VAMP7: variants seen among roughly 807,000 people sequenced by gnomAD.
The protein encoded by VAMP7 is vesicle-associated membrane protein 7.
A neutral mutation model predicts 29.6 loss-of-function variants in VAMP7; 14 were observed. The observed-to-expected ratio is 0.47, with a 90% confidence interval of 0.31 to 0.74. The LOEUF is 0.74. VAMP7 is among the 30% of genes least tolerant of loss of function. VAMP7 has a pLI of 0.05. For missense variants in VAMP7, 223 were observed against 262.4 expected, an observed-to-expected ratio of 0.85 and a Z score of 1.04; for synonymous variants, 95 against 88.1, an observed-to-expected ratio of 1.08 and a Z score of -0.44.
intron 4 of VAMP7, among the ~76,000 whole-genome samples, chrX:155,898,910 T>C (rs1322177965): frequency 6.6e-6 from 1 of 152,136 alleles, no homozygotes; most frequent in Admixed American, 6.6e-5. Flanking sequence ...ATGTACTTTT[T>C]TGTGTCTTGC....
At chrX:155,887,832 G>A (rs2065882520) in intron 1 of VAMP7, among the ~76,000 whole-genome samples, 1 of 151,804 alleles carries the variant, frequency 6.6e-6, no homozygotes, top group Admixed American at 6.6e-5. Flanking sequence ...TCCAGAGGCT[G>A]AGGTAGGAGG....
chrX:155,913,818 C>T (rs1408944080), intron 5 of VAMP7, among the ~76,000 whole-genome samples: 1 of 152,096 alleles, frequency 6.6e-6, no homozygotes, highest in Non-Finnish European at 1.5e-5. Flanking sequence ...ATGTCTCCAG[C>T]TTTGTTCTTC....
intron 6 of VAMP7, 38 bp from the exon 7 acceptor site, chrX:155,939,663 C>A: frequency 2.1e-6 from 3 of 1,422,244 alleles, no homozygotes; most frequent in Non-Finnish European, 3.0e-6. Flanking sequence ...TTCATGTAGT[C>A]AGTGCCAGGG....
At chrX:155,919,919 G>A (rs766723438) in intron 6 of VAMP7, 39 bp downstream of exon 6, 5 of 1,492,254 alleles carry the variant, frequency 3.4e-6, no homozygotes, top group Non-Finnish European at 4.6e-6. Flanking sequence ...CTGATGTAAA[G>A]TGGAGAAACT....
chrX:155,906,472 T>C (rs2066149284), intron 5 of VAMP7, among the ~76,000 whole-genome samples: 1 of 152,174 alleles, frequency 6.6e-6, no homozygotes, highest in Non-Finnish European at 1.5e-5. Flanking sequence ...ATTGCAGTAA[T>C]CTCAAAATCT....
intron 5 of VAMP7, among the ~76,000 whole-genome samples, chrX:155,908,956 A>G (rs2066193095): frequency 6.6e-6 from 1 of 151,882 alleles, no homozygotes; most frequent in African/African-American, 2.4e-5. Flanking sequence ...AGCAGCTGGG[A>G]CTGCAGGCAT....
intron 5 of VAMP7, among the ~76,000 whole-genome samples, chrX:155,913,298 A>G (rs1215555611): frequency 2.0e-5 from 3 of 152,088 alleles, no homozygotes; most frequent in African/African-American, 7.2e-5. Flanking sequence ...ATAGATTGCA[A>G]AAATTTTTTC....
At chrX:155,897,814 A>C (rs932370547) in intron 3 of VAMP7, among the ~76,000 whole-genome samples, 1 of 152,118 alleles carries the variant, frequency 6.6e-6, no homozygotes, top group Non-Finnish European at 1.5e-5. Context: ...GAGGAAGTAA[A>C]ATTCAATTCC....
At chrX:155,892,706 A>G (rs2065939366) in intron 2 of VAMP7, among the ~76,000 whole-genome samples, 1 of 151,762 alleles carries the variant, frequency 6.6e-6, no homozygotes, top group Non-Finnish European at 1.5e-5. Context: ...TCTACATAGC[A>G]TCTAGTTTGT....
chrX:155,916,239 CTG>C (rs200567257), intron 5 of VAMP7, among the ~76,000 whole-genome samples: 1,628 of 152,078 alleles, frequency 0.011, 74 homozygotes, highest in Admixed American at 0.085. Flanking sequence ...TATTTTGAGC[CTG>C]TGTGTGTCTT....
chrX:155,888,016 A>G (rs1265797321), intron 1 of VAMP7, among the ~76,000 whole-genome samples: 36 of 151,770 alleles, frequency 2.4e-4, no homozygotes, highest in Admixed American at 2.2e-3. Flanking sequence ...GAGATAAAGT[A>G]TAAGACAGCA....
At chrX:155,923,620 T>C (rs776934255) in intron 6 of VAMP7, among the ~76,000 whole-genome samples, 38 of 152,030 alleles carry the variant, frequency 2.5e-4, no homozygotes, top group African/African-American at 9.1e-4. Flanking sequence ...CTCTTTATCA[T>C]TGGTTTTAAG....
rs2066779842 is a variant in VAMP7, at chrX:155,943,666, T to C, written c.*1715T>C. 6.6e-6 allele frequency: 1 copy of C among 152,172 alleles called. No homozygotes were observed. The highest frequency in any genetic ancestry group is 6.5e-5 in the Admixed American group (1 of 15,274). 9.4% of individuals were successfully genotyped at this position (152,172 alleles called of 1,614,324 possible). A position where few individuals can be genotyped will look rare whatever the true frequency, so the allele number is the denominator to read the frequency against. The stretch of plus-strand genomic sequence containing the variant: ...GTTTTAGGGATCAATTACCTAACTG[T>C]TCCTTGGTCTATTTATGTATAAGAA... On this transcript the variant is annotated 3_prime_UTR_variant, in exon 8 of 8. Coordinates refer to ENST00000286448, the MANE Select transcript of VAMP7 (RefSeq NM_005638.6).
intron 5 of VAMP7, among the ~76,000 whole-genome samples, chrX:155,902,518 C>T (rs2066078998): frequency 1.3e-5 from 2 of 149,520 alleles, no homozygotes; most frequent in African/African-American, 4.9e-5. Context: ...TCATAGATAG[C>T]TCTTATTATT....
At chrX:155,932,422 A>C (rs772487202) in intron 6 of VAMP7, among the ~76,000 whole-genome samples, 1 of 152,252 alleles carries the variant, frequency 6.6e-6, no homozygotes, top group East Asian at 1.9e-4. Context: ...GAGGTCCTTC[A>C]CATCCCTTGT....
intron 5 of VAMP7, among the ~76,000 whole-genome samples, chrX:155,914,752 G>A (rs1218457340): frequency 6.6e-6 from 1 of 152,074 alleles, no homozygotes; most frequent in Non-Finnish European, 1.5e-5. Flanking sequence ...TGTGCTGATG[G>A]GTTCGATTTG....
chrX:155,931,818 T>G (rs1214226181), intron 6 of VAMP7, among the ~76,000 whole-genome samples: 1 of 152,194 alleles, frequency 6.6e-6, no homozygotes, highest in South Asian at 2.1e-4. Flanking sequence ...CTAGGTTTTC[T>G]TCTAGGGTTT....
chrX:155,915,811 A>G (rs1001465291), intron 5 of VAMP7, among the ~76,000 whole-genome samples: 3 of 152,160 alleles, frequency 2.0e-5, no homozygotes, highest in East Asian at 1.9e-4. Context: ...AATAAGTGCA[A>G]TGTGGTGCTG....
At chrX:155,941,441 T>TA (rs1362689983) in intron 7 of VAMP7, among the ~76,000 whole-genome samples, 3 of 152,166 alleles carry the variant, frequency 2.0e-5, no homozygotes, top group African/African-American at 7.2e-5. Flanking sequence ...GAAAGCCTTC[T>TA]ACTCAGGCTT....
Sources: gnomAD v4.1 joint callset for allele counts (sites outside exome capture counted in the v4.1 genomes callset) on GRCh38, gnomAD v4.1.1 for gene constraint, MANE v1.5 for transcripts, NCBI Gene and HGNC (gene_info 2026-07-23, HGNC 2026-07-21) for gene names.